Variants in ZNF71 observed in about 807,000 individuals in gnomAD.
ZNF71 encodes endothelial zinc finger protein induced by tumor necrosis factor alpha.
Under a neutral mutation model 6.7 loss-of-function variants are expected in ZNF71, and 3 were observed. That is an observed-to-expected ratio of 0.45 (90% confidence interval 0.20 to 1.16). The LOEUF (loss-of-function observed/expected upper bound fraction) is 1.16. Among genes scored for constraint, ZNF71 ranks in the 50% most tolerant of loss-of-function variants. The probability of loss-of-function intolerance (pLI) is 0.25; values close to 1 mark genes in which losing one functional copy is unlikely to be tolerated. For missense variants in ZNF71, 688 were observed against 728.6 expected (o/e 0.94, Z 0.64); for synonymous variants, 343 against 311.1 (o/e 1.10, Z -1.08).
At position 56,613,071 on chromosome 19, in the gene ZNF71, G is replaced by A. The variant is rs747821117; in HGVS notation, c.34-741G>A. Among the ~76,000 whole-genome samples, 10 of 152,224 alleles carry A rather than the reference G, an allele frequency of 6.6e-5. No homozygotes were observed. The highest frequency in any genetic ancestry group is 3.4e-3 in the Middle Eastern group (1 of 294). On this transcript the variant is annotated intron_variant, in intron 2 of 3. Coordinates refer to ENST00000599599, the MANE Select transcript of ZNF71 (RefSeq NM_001370215.1). This position sits in a 1 kb window ranked among gnomAD's most constrained non-coding sequence, Gnocchi z 4.6. ...TCATCATCACCATCCACACTGCTCCGCCAGGTTCTTTCAGTCCACAGGCTT... is the reference window on the plus strand; with the variant it reads ...TCATCATCACCATCCACACTGCTCCACCAGGTTCTTTCAGTCCACAGGCTT...
intron 3 of ZNF71, 127 bp from the exon 4 acceptor site, chr19:56,621,141 G>A: frequency 1.1e-6 from 1 of 915,586 alleles, no homozygotes; most frequent in Non-Finnish European, 1.5e-6. Flanking sequence ...GTTCTTCTTT[G>A]CTAACTCGCT....
Position 56,622,588 on chromosome 19 carries a change from G to T in ZNF71, c.1481G>T (p.Gly494Val), listed in dbSNP as rs530021443. The T allele has an allele frequency of 6.2e-7, 1 of 1,613,694 alleles. No homozygotes were observed. Among genetic ancestry groups the T allele is most frequent in the South Asian group, 1.1e-5 (1 of 91,046 alleles). ...YLIEHQRIHTGEKPYRCGQCG... is the reference protein window; with the variant it reads ...YLIEHQRIHTVEKPYRCGQCG... ...ATCGAGCACCAGCGGATCCACACCG[G>T]CGAGAAGCCGTACAGGTGCGGCCAG... The change falls in exon 4 of 4, where the codon GGC becomes GTC. Residue 494 changes from glycine to valine, a missense_variant. Coordinates refer to ENST00000599599, the MANE Select transcript of ZNF71 (RefSeq NM_001370215.1).
chr19:56,616,621 G>C (rs1001018853), intron 3 of ZNF71, among the ~76,000 whole-genome samples: 6 of 152,204 alleles, frequency 3.9e-5, no homozygotes, highest in Admixed American at 2.0e-4. Context: ...GTGTTGGGTA[G>C]TTTCCTGACA....
intron 2 of ZNF71, among the ~76,000 whole-genome samples, chr19:56,611,480 C>A (rs572274097): frequency 1.6e-4 from 25 of 152,246 alleles, no homozygotes; most frequent in African/African-American, 6.0e-4. Flanking sequence ...CCTCCAGTGC[C>A]CCCTATTGAC....
intron 2 of ZNF71, among the ~76,000 whole-genome samples, chr19:56,612,710 C>T (rs1193634275): frequency 6.6e-6 from 1 of 152,120 alleles, no homozygotes; most frequent in Non-Finnish European, 1.5e-5. Flanking sequence ...GCACTAAAAT[C>T]CCAGACTTTA....
chr19:56,617,107 C>CTTTTTTTTTTTTT (rs200131241), intron 3 of ZNF71, among the ~76,000 whole-genome samples: 1 of 117,094 alleles, frequency 8.5e-6, no homozygotes, highest in Non-Finnish European at 1.7e-5. Context: ...CTTCCATTTT[C>CTTTTTTTTTTTTT]TTTTGTTTTT....
Position 56,601,044 on chromosome 19 carries a change from G to A in ZNF71, c.-52-463G>A, listed in dbSNP as rs574034874. 5.9e-5 allele frequency among the ~76,000 whole-genome samples: 9 copies of A among 152,246 alleles called. No individual in the cohort carries two copies. The South Asian group carries it at 1.9e-3, about 32-fold the overall frequency. The stretch of plus-strand genomic sequence containing the variant: ...AAGGAGGGATCCGGGCAGGGCCATT[G>A]GGAGAAGGCAGGGTGTCCGGTGGCC... On this transcript the variant is annotated intron_variant, in intron 1 of 3. Coordinates refer to ENST00000599599, the MANE Select transcript of ZNF71 (RefSeq NM_001370215.1).
rs1216243969 is a variant in ZNF71 at position 56,621,146 on chromosome 19, C to T, written c.161-122C>T. ...CTGATCCAAGGTTCTTCTTTGCTAA[C>T]TCGCTCTGTGCCTTGGGCCTCATTG... On this transcript the variant is annotated intron_variant, in intron 3 of 3. Coordinates refer to ENST00000599599, the MANE Select transcript of ZNF71 (RefSeq NM_001370215.1). 3.1e-6 allele frequency: 3 copies of T among 976,204 alleles called. No individual in the cohort carries two copies. In the East Asian group the frequency reaches 8.2e-5, roughly 27 times the overall value. 60.5% of individuals were successfully genotyped at this position (976,204 alleles called of 1,614,324 possible).
chr19:56,613,491 T>C lies in ZNF71; in HGVS notation c.34-321T>C, dbSNP rs573244614. 6.6e-6 allele frequency among the ~76,000 whole-genome samples: 1 copy of C among 152,352 alleles called. No homozygotes were observed. Among genetic ancestry groups the C allele is most frequent in the East Asian group, 1.9e-4 (1 of 5,190 alleles). ...CCTGGATTCCATCTGGGGCTCTGCC[T>C]CTGCTGTGCTCCTAATGCATTTGTT... On this transcript the variant is annotated intron_variant, in intron 2 of 3. Transcript: ENST00000599599. The surrounding 1 kb of genome is among the most constrained non-coding windows in gnomAD (Gnocchi z 4.6).
intron 3 of ZNF71, among the ~76,000 whole-genome samples, chr19:56,615,651 C>T (rs10416498): frequency 0.012 from 1,755 of 151,554 alleles, 45 homozygotes; most frequent in African/African-American, 0.041. Context: ...CTATCCATTG[C>T]GTCACAGAGC....
intron 2 of ZNF71, among the ~76,000 whole-genome samples, chr19:56,604,647 GA>G (rs772836338): frequency 6.6e-6 from 1 of 152,172 alleles, no homozygotes; most frequent in Non-Finnish European, 1.5e-5. Flanking sequence ...GCAGAGCCAG[GA>G]TTCCGTTGCA....
At chr19:56,605,666 C>T (rs1330478701) in intron 2 of ZNF71, among the ~76,000 whole-genome samples, 1 of 152,152 alleles carries the variant, frequency 6.6e-6, no homozygotes, top group African/African-American at 2.4e-5. Context: ...TGTGATCAGC[C>T]AGCAATAATG....
intron 3 of ZNF71, among the ~76,000 whole-genome samples, chr19:56,619,805 C>T (rs1422420354): frequency 2.0e-5 from 3 of 152,144 alleles, no homozygotes; most frequent in Non-Finnish European, 4.4e-5. Flanking sequence ...TGAGGCTCCA[C>T]GTGGCCATAT....
intron 2 of ZNF71, among the ~76,000 whole-genome samples, chr19:56,612,074 G>A (rs2044756074): frequency 6.6e-6 from 1 of 152,204 alleles, no homozygotes; most frequent in Non-Finnish European, 1.5e-5. Context: ...TGGTGAAAAG[G>A]GAATGCTTAT....
chr19:56,595,754 G>A (rs1338318061), intron 1 of ZNF71, among the ~76,000 whole-genome samples: 1 of 152,046 alleles, frequency 6.6e-6, no homozygotes, highest in Non-Finnish European at 1.5e-5. Flanking sequence ...GAATGTGTCT[G>A]TGTGTGTGTC....
chr19:56,619,957 G>T (rs1027291777), intron 3 of ZNF71, among the ~76,000 whole-genome samples: 5 of 152,186 alleles, frequency 3.3e-5, no homozygotes, highest in African/African-American at 2.4e-5. Flanking sequence ...GAAGGTGATT[G>T]AAGCTGTGGG....
rs2044671257 is a variant in ZNF71 at position 56,601,605 on chromosome 19, C to T, written c.33+14C>T. The T allele has an allele frequency of 4.1e-6, 4 of 985,668 alleles. No homozygotes were observed. The African/African-American group carries it at 7.0e-5, about 17-fold the overall frequency. The allele number at this position is 985,668 out of a possible 1,614,324, so 61.1% of individuals were successfully genotyped here. ...GATGAGGCACTGGTGAGTCATGTTG[C>T]CCTGTCACTCTCCTTTCCAAAGGCT... On this transcript the variant is annotated intron_variant, in intron 2 of 3. Transcript: ENST00000599599.
chr19:56,616,187 T>C (rs1474502776), intron 3 of ZNF71, among the ~76,000 whole-genome samples: 1 of 152,250 alleles, frequency 6.6e-6, no homozygotes, highest in Non-Finnish European at 1.5e-5. Context: ...CTTTGATCCA[T>C]TTAGAGTTGA....
At position 56,603,195 on chromosome 19, in the gene ZNF71, C is replaced by T. The variant is rs1041814493; in HGVS notation, c.33+1604C>T. Among the ~76,000 whole-genome samples the T allele has an allele frequency of 7.2e-5, 11 of 152,284 alleles. No individual in the cohort carries two copies. The highest frequency in any genetic ancestry group is 1.3e-4 in the Admixed American group (2 of 15,296). ...TATTTTCATCATCCTGAAAAAGAGC[C>T]GAGTACCCATTGGCACTCATTTCCA... On this transcript the variant is annotated intron_variant, in intron 2 of 3. Transcript: ENST00000599599. The surrounding 1 kb of genome is among the most constrained non-coding windows in gnomAD (Gnocchi z 4.6).
Sources: allele counts gnomAD v4.1 joint callset (sites outside exome capture counted in the v4.1 genomes callset), GRCh38; gene constraint gnomAD v4.1.1; non-coding constraint Gnocchi (gnomAD v3.1); transcripts MANE v1.5; gene names NCBI Gene and HGNC (gene_info 2026-07-23, HGNC 2026-07-21).